SLITRK3: variants seen among roughly 807,000 people sequenced by gnomAD.
SLITRK3 encodes SLIT and NTRK-like protein 3.
SLITRK3 carries 16 observed loss-of-function variants against 63.6 expected under a neutral mutation model. That is an observed-to-expected ratio of 0.25 (90% CI 0.17 to 0.38). The LOEUF is 0.38. Ranked by LOEUF, SLITRK3 falls within the 10% of genes least tolerant of loss-of-function variation. The pLI is 1.00. For synonymous variants in SLITRK3, 547 were observed against 451.6 expected (o/e 1.21, Z -2.68); for missense variants, 1,117 against 1,181.4 (o/e 0.95, Z 0.80).
chr3:165,187,799 A>T lies in SLITRK3; in HGVS notation c.*98T>A. 1.0e-6 allele frequency: 1 copy of T among 973,730 alleles called. No homozygotes were observed. Among genetic ancestry groups the T allele is most frequent in the Non-Finnish European group, 1.5e-6 (1 of 651,894 alleles). The allele number at this position is 973,730 out of a possible 1,614,324, so 60.3% of individuals were successfully genotyped here. A position where few individuals can be genotyped will look rare whatever the true frequency, so the allele number is the denominator to read the frequency against. ...AGGGTAGGAAAGATCGTGAGGATGG[A>T]GTTACTGGGACAAGTGTAAAGGGAG... is the stretch of plus-strand genomic sequence containing the variant. On this transcript the variant is annotated 3_prime_UTR_variant, in exon 2 of 2. Coordinates refer to ENST00000475390, the MANE Select transcript of SLITRK3 (RefSeq NM_001318810.2).
chr3:165,191,849 G>A (rs1181181333), intron 1 of SLITRK3, among the ~76,000 whole-genome samples: 1 of 152,156 alleles, frequency 6.6e-6, no homozygotes, highest in East Asian at 1.9e-4. Flanking sequence ...ATTCTTACCT[G>A]CTGATAAATG....
intron 1 of SLITRK3, among the ~76,000 whole-genome samples, chr3:165,192,191 G>A (rs1298085207): frequency 7.1e-6 from 1 of 140,394 alleles, no homozygotes; most frequent in Non-Finnish European, 1.6e-5. Context: ...ATAATTTATA[G>A]GAAAAGTGAA....
chr3:165,193,595 A>C (rs1718320136), intron 1 of SLITRK3, among the ~76,000 whole-genome samples: 1 of 151,974 alleles, frequency 6.6e-6, no homozygotes, highest in Admixed American at 6.6e-5. Context: ...ATCCCGTTGC[A>C]CCAGGAATTC....
At position 165,187,876 on chromosome 3, in the gene SLITRK3, T is replaced by A; in HGVS notation, c.*21A>T. ...TTTTCTTTTGAAAAAAAAAAAGCACTAATATATTTTCTTCTCTCTGTTAGA... is the reference window on the plus strand; with the variant it reads ...TTTTCTTTTGAAAAAAAAAAAGCACAAATATATTTTCTTCTCTCTGTTAGA... On this transcript the variant is annotated 3_prime_UTR_variant, in exon 2 of 2. Transcript: ENST00000475390. 2 of 1,533,678 alleles carry A rather than the reference T, an allele frequency of 1.3e-6. No homozygotes were observed. Among genetic ancestry groups the A allele is most frequent in the Non-Finnish European group, 1.8e-6 (2 of 1,134,786 alleles).
intron 1 of SLITRK3, among the ~76,000 whole-genome samples, chr3:165,192,856 G>A (rs574657250): frequency 6.6e-6 from 1 of 152,262 alleles, no homozygotes; most frequent in South Asian, 2.1e-4. Context: ...TGCCGCCGCG[G>A]TGGCTGCTCT....
chr3:165,191,817 T>C (rs561148161), intron 1 of SLITRK3, among the ~76,000 whole-genome samples: 28 of 152,294 alleles, frequency 1.8e-4, no homozygotes, highest in Admixed American at 5.9e-4. Context: ...GTAGTTAAAG[T>C]CAAGAGAGAG....
rs543448542 is a variant in SLITRK3 at position 165,194,375 on chromosome 3, A to G, written c.-22+1205T>C. 2.6e-5 allele frequency among the ~76,000 whole-genome samples: 4 copies of G among 152,298 alleles called. No homozygotes were observed. The East Asian group carries it at 7.7e-4, about 29-fold the overall frequency. ...TAAAAGTCAGTCAAAGGCAATTTCC[A>G]TGATATTTTGCATTTAAAATGACCG... On this transcript the variant is annotated intron_variant, in intron 1 of 1. Transcript: ENST00000475390.
Position 165,187,798 on chromosome 3 carries a change from G to T in SLITRK3, c.*99C>A. 1.0e-6 allele frequency: 1 copy of T among 964,948 alleles called. No individual in the cohort carries two copies. The allele number at this position is 964,948 out of a possible 1,614,324, so 59.8% of individuals were successfully genotyped here. A position where few individuals can be genotyped will look rare whatever the true frequency, so the allele number is the denominator to read the frequency against. ...CAGGGTAGGAAAGATCGTGAGGATGGAGTTACTGGGACAAGTGTAAAGGGA... is the reference window on the plus strand; with the variant it reads ...CAGGGTAGGAAAGATCGTGAGGATGTAGTTACTGGGACAAGTGTAAAGGGA... On this transcript the variant is annotated 3_prime_UTR_variant, in exon 2 of 2. Transcript: ENST00000475390.
At position 165,188,276 on chromosome 3, in the gene SLITRK3, C is replaced by T. The variant is rs150186673; in HGVS notation, c.2555G>A (p.Gly852Glu). The T allele has an allele frequency of 6.2e-7, 1 of 1,613,728 alleles. No homozygotes were observed. The highest frequency in any genetic ancestry group is 8.5e-7 in the Non-Finnish European group (1 of 1,179,858). Reference sequence around the variant, plus strand: ...GAACCCTGCCAAGTCTCCCCCAGTTCCCCCAACTACTCCTGAAACCCCACC... The same window carrying T: ...GAACCCTGCCAAGTCTCCCCCAGTTTCCCCAACTACTCCTGAAACCCCACC... ...AVGGVSGVVG[G>E]TGGDLAGFRH... Residue 852 changes from glycine to glutamate, a missense_variant, in exon 2 of 2, where the codon GGA becomes GAA. This residue lies in a region of SLITRK3 where 499 missense variants were observed against 463.6 expected (regional missense o/e 1.08). Coordinates refer to ENST00000475390, the MANE Select transcript of SLITRK3 (RefSeq NM_001318810.2).
In SLITRK3 at chr3:165,186,882, T is replaced by A. The variant is rs1717973192; in HGVS notation, c.*1015A>T. 6.6e-6 allele frequency: 1 copy of A among 152,512 alleles called. No homozygotes were observed. Among genetic ancestry groups the A allele is most frequent in the African/African-American group, 2.4e-5 (1 of 41,424 alleles). 9.4% of individuals were successfully genotyped at this position (152,512 alleles called of 1,614,324 possible). ...TGTGTGAGAGAGAAAACATTAAAAGTGCTTCCTACAAAGCTGTTAGTGATA... is the reference window on the plus strand; with the variant it reads ...TGTGTGAGAGAGAAAACATTAAAAGAGCTTCCTACAAAGCTGTTAGTGATA... On this transcript the variant is annotated 3_prime_UTR_variant, in exon 2 of 2. Transcript: ENST00000475390.
chr3:165,187,693 TG>T lies in SLITRK3; in HGVS notation c.*203del, dbSNP rs1718003883. On this transcript the variant is annotated 3_prime_UTR_variant, in exon 2 of 2. Coordinates refer to ENST00000475390, the MANE Select transcript of SLITRK3 (RefSeq NM_001318810.2). ...CTTTCATTGATTAATGATCTGAGTA[TG>T]GCCCTTCCTCCAAATCGCATCTGAG... The T allele has an allele frequency of 4.0e-6, 2 of 494,076 alleles. No homozygotes were observed. Among genetic ancestry groups the T allele is most frequent in the African/African-American group, 3.8e-5 (2 of 52,536 alleles). The allele number at this position is 494,076 out of a possible 1,614,324, so 30.6% of individuals were successfully genotyped here.
Position 165,190,742 on chromosome 3 carries a change from G to C in SLITRK3, c.89C>G (p.Pro30Arg), listed in dbSNP as rs751815228. The change falls in exon 2 of 2, where the codon CCG becomes CGG. Residue 30 changes from proline to arginine, a missense_variant. Physicochemically the swap from Pro to Arg is moderately radical, Grantham distance 103. Coordinates refer to ENST00000475390, the MANE Select transcript of SLITRK3 (RefSeq NM_001318810.2). Reference sequence around the variant, plus strand: ...CTCTGAGTCCTCTATTAGGGGAATCGGGGTAGTCCATCCTAGAGCAATTGT... The same window carrying C: ...CTCTGAGTCCTCTATTAGGGGAATCCGGGTAGTCCATCCTAGAGCAATTGT... ...LSTIALGWTT[P>R]IPLIEDSEEI... 3.1e-6 allele frequency: 5 copies of C among 1,613,904 alleles called. No homozygotes were observed. Among genetic ancestry groups the C allele is most frequent in the Non-Finnish European group, 4.2e-6 (5 of 1,179,862 alleles).
chr3:165,189,003 G>T lies in SLITRK3; in HGVS notation c.1828C>A (p.Leu610Ile), dbSNP rs146099233. The stretch of plus-strand genomic sequence containing the variant: ...GCAACGTGCAGCATCTCTGGGCAAA[G>T]AACTTCCAGCTCAATAGTGCGCACA... ...RDVRTIELEVLCPEMLHVAPA... is the reference protein window; with the variant it reads ...RDVRTIELEVICPEMLHVAPA... Residue 610 changes from leucine to isoleucine, a missense_variant, in exon 2 of 2, where the codon CTT becomes ATT. Physicochemically the swap from Leu to Ile is conservative, Grantham distance 5 (BLOSUM62 2). Coordinates refer to ENST00000475390, the MANE Select transcript of SLITRK3 (RefSeq NM_001318810.2). This position sits in a 1 kb window ranked among gnomAD's most constrained non-coding sequence, Gnocchi z 4.0. 3.1e-6 allele frequency: 5 copies of T among 1,614,194 alleles called. No individual in the cohort carries two copies. In the African/African-American group the frequency reaches 6.7e-5, roughly 22 times the overall value.
At chr3:165,194,423 G>A (rs745749958) in intron 1 of SLITRK3, among the ~76,000 whole-genome samples, 7 of 152,142 alleles carry the variant, frequency 4.6e-5, no homozygotes, top group Non-Finnish European at 8.8e-5. Context: ...CTGGCAGACA[G>A]TAGCTAATTT....
intron 1 of SLITRK3, among the ~76,000 whole-genome samples, chr3:165,192,516 T>G (rs1042218277): frequency 1.3e-5 from 2 of 151,946 alleles, no homozygotes; most frequent in South Asian, 2.1e-4. Context: ...AGAGTTTTTT[T>G]GGGTTTCGGG....
Position 165,188,207 on chromosome 3 carries a change from C to T in SLITRK3, c.2624G>A (p.Gly875Glu), listed in dbSNP as rs868187653. The T allele has an allele frequency of 1.2e-6, 2 of 1,613,812 alleles. No individual in the cohort carries two copies. The highest frequency in any genetic ancestry group is 1.1e-5 in the South Asian group (1 of 91,056). The change falls in exon 2 of 2, where the codon GGG becomes GAG. Residue 875 changes from glycine (G) to glutamate (E), a missense_variant. Transcript: ENST00000475390. ...KNGGVVLFPP[G>E]GGCGSGSMLL... ...CATACTGCCACTACCACAGCCTCCC[C>T]CAGGAGGAAACAGCACCACCCCACC... is the stretch of plus-strand genomic sequence containing the variant.
At position 165,189,142 on chromosome 3, in the gene SLITRK3, A is replaced by G; in HGVS notation, c.1689T>C (p.Pro563=). ...GGACCAGGTCACAGGTGCAGTCCCA[A>G]GGATTCTCATTGAGGTCTATCTGGA... ...AIVQIDLNEN[P]WDCTCDLVPF... The change falls in exon 2 of 2, where the codon CCT becomes CCC. Residue 563 remains proline, a synonymous_variant. Coordinates refer to ENST00000475390, the MANE Select transcript of SLITRK3 (RefSeq NM_001318810.2). The surrounding 1 kb of genome is among the most constrained non-coding windows in gnomAD (Gnocchi z 4.0). 1.2e-6 allele frequency: 2 copies of G among 1,614,184 alleles called. No homozygotes were observed. Among genetic ancestry groups the G allele is most frequent in the Non-Finnish European group, 1.7e-6 (2 of 1,180,030 alleles).
chr3:165,190,916 T>C, intron 1 of SLITRK3, 65 bp from the exon 2 acceptor site: 1 of 1,168,158 alleles, frequency 8.6e-7, no homozygotes, highest in Non-Finnish European at 1.2e-6. Context: ...AATTGACTCC[T>C]ACATGTGGGG....
At position 165,187,165 on chromosome 3, in the gene SLITRK3, G is replaced by T. The variant is rs1162183944; in HGVS notation, c.*732C>A. The T allele has an allele frequency of 6.5e-6, 1 of 152,934 alleles. No individual in the cohort carries two copies. The highest frequency in any genetic ancestry group is 1.5e-5 in the Non-Finnish European group (1 of 68,876). 9.5% of individuals were successfully genotyped at this position (152,934 alleles called of 1,614,324 possible). On this transcript the variant is annotated 3_prime_UTR_variant, in exon 2 of 2. Transcript: ENST00000475390. ...TAGAACTATGGAGAGGAGAAAAATG[G>T]ATCAAACCCGAACTAAGCAGATTGA...
Sources: allele counts gnomAD v4.1 joint callset (sites outside exome capture counted in the v4.1 genomes callset), GRCh38; gene constraint gnomAD v4.1.1; regional missense constraint gnomAD v4.1.1; non-coding constraint Gnocchi (gnomAD v3.1); transcripts MANE v1.5; gene names NCBI Gene and HGNC (gene_info 2026-07-23, HGNC 2026-07-21).